SEH1L: variants seen among roughly 807,000 people sequenced by gnomAD.
The protein encoded by SEH1L is SEH1 like nucleoporin.
In SEH1L, 18 loss-of-function variants were observed where a neutral mutation model predicts 49.5. The ratio of observed to expected loss-of-function variants is 0.36; its 90% CI spans 0.25 to 0.54. The LOEUF (loss-of-function observed/expected upper bound fraction) is 0.54, where lower values mean the gene tolerates loss of function less well. SEH1L is among the 20% of genes least tolerant of loss of function. The pLI, the probability that SEH1L is intolerant of heterozygous loss-of-function variation, is 0.87. For synonymous variants in SEH1L, 169 were observed against 178.1 expected, an observed-to-expected ratio of 0.95 and a Z score of 0.41; for missense variants, 404 against 528.8, an observed-to-expected ratio of 0.76 and a Z score of 2.31.
chr18:12,965,800 A>G (rs914265285), intron 4 of SEH1L, among the ~76,000 whole-genome samples: 1 of 152,096 alleles, frequency 6.6e-6, no homozygotes, highest in African/African-American at 2.4e-5. Flanking sequence ...ATGTAATCAC[A>G]TTTGTCAGGC....
intron 5 of SEH1L, chr18:12,972,642 C>CT (rs2031751557): frequency 6.6e-6 from 1 of 152,234 alleles, no homozygotes; most frequent in Non-Finnish European, 1.5e-5. Context: ...ATGTTACCAT[C>CT]TGGGTTACCA....
intron 2 of SEH1L, among the ~76,000 whole-genome samples, chr18:12,952,171 G>A (rs1262819210): frequency 1.4e-5 from 2 of 140,576 alleles, no homozygotes; most frequent in Non-Finnish European, 3.1e-5. Context: ...TTGTTGTGAT[G>A]TTTCATACAT....
chr18:12,955,746 A>G (rs1272686411), intron 3 of SEH1L, 137 bp downstream of exon 3: 3 of 870,036 alleles, frequency 3.4e-6, no homozygotes, highest in African/African-American at 1.7e-5. Flanking sequence ...TCTTTCTTCC[A>G]TGTTTTTTTC....
intron 4 of SEH1L, among the ~76,000 whole-genome samples, chr18:12,970,594 A>C (rs2031656814): frequency 6.6e-6 from 1 of 151,864 alleles, no homozygotes; most frequent in Non-Finnish European, 1.5e-5. Flanking sequence ...TAATTAAACA[A>C]ATTTTTTTTT....
intron 2 of SEH1L, among the ~76,000 whole-genome samples, chr18:12,954,706 A>G (rs557966999): frequency 1.2e-4 from 19 of 152,280 alleles, no homozygotes; most frequent in African/African-American, 4.6e-4. Context: ...GGGCTCAAGC[A>G]GTCTGCCCAC....
At chr18:12,948,383 C>T (rs1267262537) in intron 1 of SEH1L, 151 bp downstream of exon 1, 3 of 562,212 alleles carry the variant, frequency 5.3e-6, no homozygotes, top group African/African-American at 4.0e-5. Flanking sequence ...AGCGGAAGCC[C>T]TCCCCGCCCG....
At chr18:12,979,627 A>T (rs2145659249) in intron 6 of SEH1L, among the ~76,000 whole-genome samples, 1 of 150,954 alleles carries the variant, frequency 6.6e-6, no homozygotes, top group Non-Finnish European at 1.5e-5. Context: ...GGGGCTCCTC[A>T]CTTCCCAGTA....
At position 12,987,339 on chromosome 18, in the gene SEH1L, T is replaced by C. The variant is rs576585084; in HGVS notation, c.*282T>C. 183 of 225,768 alleles carry C rather than the reference T, an allele frequency of 8.1e-4. No homozygotes were observed. Among genetic ancestry groups the C allele is most frequent in the African/African-American group, 3.9e-3 (173 of 44,528 alleles). 14.0% of individuals were successfully genotyped at this position (225,768 alleles called of 1,614,324 possible). A position where few individuals can be genotyped will look rare whatever the true frequency, so the allele number is the denominator to read the frequency against. ...GTAGCTGACTTCAAAGTGCCTGTTCTGTAAATTTTATTTTAAACTGTTACC... is the reference window on the plus strand; with the variant it reads ...GTAGCTGACTTCAAAGTGCCTGTTCCGTAAATTTTATTTTAAACTGTTACC... On this transcript the variant is annotated 3_prime_UTR_variant, in exon 9 of 9. Transcript: ENST00000399892.
intron 2 of SEH1L, 23 bp from the exon 3 acceptor site, chr18:12,955,440 C>T (rs1321589251): frequency 4.3e-6 from 6 of 1,390,060 alleles, no homozygotes; most frequent in African/African-American, 1.7e-5. Context: ...CTGTTCTTTT[C>T]TTTTTTTTTT....
intron 1 of SEH1L, among the ~76,000 whole-genome samples, chr18:12,949,890 C>G (rs1404521159): frequency 6.6e-6 from 1 of 152,144 alleles, no homozygotes; most frequent in African/African-American, 2.4e-5. Context: ...GCACCCTGTT[C>G]CGCCACCCCA....
At position 12,971,144 on chromosome 18, in the gene SEH1L, C is replaced by T. The variant is rs776862905; in HGVS notation, c.522-9C>T. Reference sequence around the variant, plus strand: ...TGTTATCTAAAATGTTCTTTCTCCCCGTTTCTAGCTCTCGTGCTCATTCCC... The same window carrying T: ...TGTTATCTAAAATGTTCTTTCTCCCTGTTTCTAGCTCTCGTGCTCATTCCC... On this transcript the variant is annotated splice_polypyrimidine_tract_variant and intron_variant, in intron 4 of 8. Transcript: ENST00000399892. 2.3e-5 allele frequency: 37 copies of T among 1,593,484 alleles called. No individual in the cohort carries two copies. The East Asian group carries it at 3.6e-4, about 15-fold the overall frequency.
chr18:12,952,167 T>C (rs1326151639), intron 2 of SEH1L, among the ~76,000 whole-genome samples: 1 of 151,670 alleles, frequency 6.6e-6, no homozygotes, highest in East Asian at 1.9e-4. Flanking sequence ...TTAATTGTTG[T>C]GATGTTTCAT....
intron 2 of SEH1L, among the ~76,000 whole-genome samples, chr18:12,954,777 G>GA (rs1282422494): frequency 2.6e-5 from 4 of 151,936 alleles, no homozygotes; most frequent in Non-Finnish European, 5.9e-5. Context: ...TGAATCAAAT[G>GA]AAAAAAAAGT....
At chr18:12,954,121 G>C (rs956432514) in intron 2 of SEH1L, among the ~76,000 whole-genome samples, 3 of 152,190 alleles carry the variant, frequency 2.0e-5, no homozygotes, top group Non-Finnish European at 2.9e-5. Flanking sequence ...TGGTGACATT[G>C]TTACCATGTA....
At chr18:12,962,455 C>CTTT (rs1257873600) in intron 3 of SEH1L, among the ~76,000 whole-genome samples, 3 of 90,048 alleles carry the variant, frequency 3.3e-5, no homozygotes, top group East Asian at 4.0e-4. Context: ...AATTGCATGC[C>CTTT]TTTCTTTTTT....
In SEH1L at chr18:12,982,907, C is replaced by A. The variant is rs1470679080; in HGVS notation, c.919+232C>A. On this transcript the variant is annotated intron_variant, in intron 7 of 8. Coordinates refer to ENST00000399892, the MANE Select transcript of SEH1L (RefSeq NM_001013437.2). ...GTTTTCAAAACTAAAGTAATTACAA[C>A]AGAATATGCAATATCTCCAATAAAA... 8.4e-6 allele frequency: 3 copies of A among 355,132 alleles called. No individual in the cohort carries two copies. The South Asian group carries it at 1.4e-4, about 17-fold the overall frequency. The allele number at this position is 355,132 out of a possible 1,614,324, so 22.0% of individuals were successfully genotyped here.
chr18:12,982,826 C>A (rs555910336), intron 7 of SEH1L, 151 bp downstream of exon 7: 16 of 620,764 alleles, frequency 2.6e-5, no homozygotes, highest in Non-Finnish European at 3.8e-5. Context: ...CATCAGTTTA[C>A]CTAGTTCATA....
chr18:12,961,712 C>G (rs936310793), intron 3 of SEH1L, among the ~76,000 whole-genome samples: 6 of 152,122 alleles, frequency 3.9e-5, no homozygotes, highest in Admixed American at 3.9e-4. Flanking sequence ...TGCCACCCAG[C>G]CTGGTGTGCA....
At chr18:12,964,918 T>C (rs868096949) in intron 4 of SEH1L, among the ~76,000 whole-genome samples, 3 of 151,162 alleles carry the variant, frequency 2.0e-5, no homozygotes, top group Admixed American at 6.6e-5. Flanking sequence ...GGATTACAGG[T>C]GTGAGCCACT....
Sources: allele counts gnomAD v4.1 joint callset (sites outside exome capture counted in the v4.1 genomes callset), GRCh38; gene constraint gnomAD v4.1.1; transcripts MANE v1.5; gene names NCBI Gene and HGNC (gene_info 2026-07-23, HGNC 2026-07-21).